The following CDH13 variants were observed in gnomAD, a reference collection of about 807,000 sequenced individuals.
CDH13 encodes cadherin 13, also known as cadherin-13.
CDH13 carries 24 observed loss-of-function variants against 63.8 expected under a neutral mutation model. That is an observed-to-expected ratio of 0.38 (90% CI 0.27 to 0.53). The LOEUF is 0.53. Among genes scored for constraint, CDH13 ranks in the 20% least tolerant of loss-of-function variants. CDH13 has a pLI of 0.85. For missense variants in CDH13, 1,049 were observed against 903.1 expected, an observed-to-expected ratio of 1.16 and a Z score of -2.07; for synonymous variants, 503 against 355.3, an observed-to-expected ratio of 1.42 and a Z score of -4.67.
intron 1 of CDH13, among the ~76,000 whole-genome samples, chr16:82,676,691 A>G (rs1050388737): frequency 6.6e-6 from 1 of 151,980 alleles, no homozygotes; most frequent in African/African-American, 2.4e-5. Context: ...ATGAAATATA[A>G]AACAAAACCT....
intron 2 of CDH13, among the ~76,000 whole-genome samples, chr16:83,006,221 A>G (rs1913477125): frequency 6.6e-6 from 1 of 152,218 alleles, no homozygotes; most frequent in African/African-American, 2.4e-5. Flanking sequence ...AAAAGACCCA[A>G]CACAATAGCA....
chr16:83,102,048 G>C (rs576985295), intron 3 of CDH13, among the ~76,000 whole-genome samples: 125 of 152,332 alleles, frequency 8.2e-4, no homozygotes, highest in African/African-American at 3.0e-3. Flanking sequence ...TTATGAGAGG[G>C]AGGTAATGTG....
chr16:83,480,448 G>T (rs930451446), intron 6 of CDH13, among the ~76,000 whole-genome samples: 1 of 144,128 alleles, frequency 6.9e-6, no homozygotes, highest in Admixed American at 7.1e-5. Flanking sequence ...GCACACCAGG[G>T]TCTCTTTCTT....
chr16:83,373,402 G>T (rs991621838), intron 6 of CDH13, among the ~76,000 whole-genome samples: 2 of 152,120 alleles, frequency 1.3e-5, no homozygotes, highest in Admixed American at 1.3e-4. Context: ...GAAAGTGATT[G>T]GTAAGCTGAG....
At chr16:82,700,053 C>T (rs2030793664) in intron 1 of CDH13, among the ~76,000 whole-genome samples, 1 of 149,290 alleles carries the variant, frequency 6.7e-6, no homozygotes, top group Admixed American at 6.6e-5. Context: ...TTGGTCTTTA[C>T]TAGGGTGACA....
intron 11 of CDH13, among the ~76,000 whole-genome samples, chr16:83,776,085 C>G (rs1157918872): frequency 9.9e-5 from 15 of 152,096 alleles, no homozygotes; most frequent in Non-Finnish European, 2.2e-4. Context: ...ACTCATCGCC[C>G]AAAGTAACAA....
At chr16:83,101,325 T>G (rs760800139) in intron 3 of CDH13, among the ~76,000 whole-genome samples, 5 of 150,536 alleles carry the variant, frequency 3.3e-5, no homozygotes, top group Non-Finnish European at 5.9e-5. Flanking sequence ...GTATACATGT[T>G]TATATACTAT....
intron 3 of CDH13, among the ~76,000 whole-genome samples, chr16:83,080,502 G>A (rs2033154916): frequency 6.6e-6 from 1 of 152,134 alleles, no homozygotes; most frequent in Non-Finnish European, 1.5e-5. Context: ...CACTTTGCAT[G>A]CACTGTGACT....
chr16:82,716,792 C>T (rs751055634), intron 1 of CDH13, among the ~76,000 whole-genome samples: 16 of 151,548 alleles, frequency 1.1e-4, no homozygotes, highest in Non-Finnish European at 1.8e-4. Flanking sequence ...GCCCAGACTT[C>T]ACCCACCAAA....
At chr16:83,757,445 G>A (rs951917676) in intron 11 of CDH13, among the ~76,000 whole-genome samples, 53 of 152,118 alleles carry the variant, frequency 3.5e-4, no homozygotes, top group African/African-American at 1.3e-3. Flanking sequence ...GGATACAGTG[G>A]CATGTGCCTG....
At chr16:82,791,482 C>A (rs180763645) in intron 1 of CDH13, among the ~76,000 whole-genome samples, 152 of 152,270 alleles carry the variant, frequency 1.0e-3, no homozygotes, top group African/African-American at 3.4e-3. Context: ...GTGTGGTAAC[C>A]CCCTTTGGGT....
chr16:82,628,351 G>C (rs1907607872), intron 1 of CDH13, among the ~76,000 whole-genome samples: 1 of 152,160 alleles, frequency 6.6e-6, no homozygotes, highest in South Asian at 2.1e-4. Flanking sequence ...CCGGGGTAGA[G>C]GCTCAGGTGA....
intron 6 of CDH13, among the ~76,000 whole-genome samples, chr16:83,400,234 A>G (rs896406188): frequency 1.3e-5 from 2 of 152,156 alleles, no homozygotes; most frequent in East Asian, 1.9e-4. Flanking sequence ...AAATCGATCC[A>G]GAAATGTCTA....
At chr16:83,176,247 C>G (rs113083388) in intron 4 of CDH13, among the ~76,000 whole-genome samples, 39 of 152,030 alleles carry the variant, frequency 2.6e-4, no homozygotes, top group Non-Finnish European at 5.0e-4. Flanking sequence ...CTTGGTGGCT[C>G]ACGCCTGTAA....
At chr16:83,190,765 A>T (rs1186344774) in intron 4 of CDH13, among the ~76,000 whole-genome samples, 1 of 152,216 alleles carries the variant, frequency 6.6e-6, no homozygotes, top group Non-Finnish European at 1.5e-5. Flanking sequence ...CATTATGAAG[A>T]CAAATCTTCA....
chr16:82,927,249 G>T (rs1467462296), intron 2 of CDH13, among the ~76,000 whole-genome samples: 2 of 152,058 alleles, frequency 1.3e-5, no homozygotes, highest in Admixed American at 1.3e-4. Flanking sequence ...TATAGCAGTT[G>T]GGGCAGTCAT....
chr16:83,713,649 G>T (rs747423580), intron 10 of CDH13, among the ~76,000 whole-genome samples: 1 of 152,164 alleles, frequency 6.6e-6, no homozygotes, highest in Non-Finnish European at 1.5e-5. Context: ...CCAGAATGGG[G>T]GTGGGGAAAG....
At chr16:82,860,353 T>A (rs189436779) in intron 2 of CDH13, among the ~76,000 whole-genome samples, 1 of 125,870 alleles carries the variant, frequency 7.9e-6, no homozygotes, top group African/African-American at 3.0e-5. Flanking sequence ...TAAGCCATAC[T>A]GTACATTGCA....
At chr16:83,789,178 C>T (rs1328118306) in intron 13 of CDH13, among the ~76,000 whole-genome samples, 1 of 152,130 alleles carries the variant, frequency 6.6e-6, no homozygotes, top group African/African-American at 2.4e-5. Flanking sequence ...AGTGCCCAAC[C>T]ACTCAAATGC....
Sources: gnomAD v4.1 joint callset for allele counts (sites outside exome capture counted in the v4.1 genomes callset) on GRCh38, gnomAD v4.1.1 for gene constraint, MANE v1.5 for transcripts, NCBI Gene and HGNC (gene_info 2026-07-23, HGNC 2026-07-21) for gene names.